Variants in SMARCA5 observed in about 807,000 individuals in gnomAD.
SMARCA5 encodes SNF2 related chromatin remodeling ATPase 5, also known as SWI/SNF-related matrix-associated actin-dependent regulator of chromatin subfamily A member 5.
A neutral mutation model predicts 140.4 loss-of-function variants in SMARCA5; 18 were observed. The ratio of observed to expected loss-of-function variants is 0.13; its 90% CI spans 0.09 to 0.19. The LOEUF (loss-of-function observed/expected upper bound fraction) is 0.19. SMARCA5 is among the 10% of genes least tolerant of loss of function. The pLI, the probability that SMARCA5 is intolerant of heterozygous loss-of-function variation, is 1.00. For synonymous variants in SMARCA5, 449 were observed against 419.6 expected (o/e 1.07, Z -0.86); for missense variants, 606 against 1,276.8 (o/e 0.47, Z 8.01).
At position 143,557,111 on chromosome 4, in the gene SMARCA5, G is replaced by A. The variant is rs919097040; in HGVS notation, c.*3927G>A. ...CCCTAGCTCTAATGACAGCTTTTTTGGGGGGTAATGAGGCTATGAGAAGAT... is the reference window on the plus strand; with the variant it reads ...CCCTAGCTCTAATGACAGCTTTTTTAGGGGGTAATGAGGCTATGAGAAGAT... On this transcript the variant is annotated 3_prime_UTR_variant, in exon 24 of 24. Transcript: ENST00000283131. 6.6e-6 allele frequency: 1 copy of A among 152,088 alleles called. No homozygotes were observed. Among genetic ancestry groups the A allele is most frequent in the Non-Finnish European group, 1.5e-5 (1 of 68,024 alleles). The allele number at this position is 152,088 out of a possible 1,614,324, so 9.4% of individuals were successfully genotyped here.
chr4:143,532,876 G>C (rs1243339734), intron 9 of SMARCA5, among the ~76,000 whole-genome samples: 3 of 152,156 alleles, frequency 2.0e-5, no homozygotes, highest in Non-Finnish European at 4.4e-5. Flanking sequence ...GAAGAGAACC[G>C]GTGGGGCTAA....
In SMARCA5 at chr4:143,538,582, C is replaced by T; in HGVS notation, c.1496-8C>T. 6.2e-7 allele frequency: 1 copy of T among 1,610,962 alleles called. No individual in the cohort carries two copies. Among genetic ancestry groups the T allele is most frequent in the Admixed American group, 1.7e-5 (1 of 59,864 alleles). Reference sequence around the variant, plus strand: ...CCACTGATAATAGATTGTTATATTCCCCAACAGGTTCACGAGTACTAATCT... The same window carrying T: ...CCACTGATAATAGATTGTTATATTCTCCAACAGGTTCACGAGTACTAATCT... On this transcript the variant is annotated splice_region_variant and splice_polypyrimidine_tract_variant and intron_variant, in intron 11 of 23. Coordinates refer to ENST00000283131, the MANE Select transcript of SMARCA5 (RefSeq NM_003601.4).
chr4:143,529,826 T>G (rs1737149699), intron 8 of SMARCA5, among the ~76,000 whole-genome samples: 1 of 152,228 alleles, frequency 6.6e-6, no homozygotes, highest in Non-Finnish European at 1.5e-5. Flanking sequence ...AAAAGCAATT[T>G]TAGCTTCGAT....
At chr4:143,549,271 A>C (rs1317822093) in intron 22 of SMARCA5, among the ~76,000 whole-genome samples, 1 of 151,984 alleles carries the variant, frequency 6.6e-6, no homozygotes, top group East Asian at 1.9e-4. Context: ...TGTATTCTAT[A>C]CAGTAGTATT....
chr4:143,538,528 G>A, intron 11 of SMARCA5, 62 bp from the exon 12 acceptor site: 1 of 1,435,750 alleles, frequency 7.0e-7, no homozygotes. Flanking sequence ...CTTAGTTTTG[G>A]TTACCCTTAA....
intron 9 of SMARCA5, 26 bp downstream of exon 9, chr4:143,530,552 G>A (rs1737163824): frequency 6.8e-7 from 1 of 1,465,998 alleles, no homozygotes. Context: ...TAGTGTTAAA[G>A]CATATTTATG....
At chr4:143,538,167 A>G (rs942809777) in intron 11 of SMARCA5, among the ~76,000 whole-genome samples, 1 of 152,172 alleles carries the variant, frequency 6.6e-6, no homozygotes. Context: ...TATGAGGCAC[A>G]TATTATGGTC....
intron 1 of SMARCA5, among the ~76,000 whole-genome samples, chr4:143,516,025 C>A (rs1736823106): frequency 6.7e-6 from 1 of 149,680 alleles, no homozygotes; most frequent in African/African-American, 2.5e-5. Flanking sequence ...TCCTGTTTAA[C>A]AAAATTCAGA....
chr4:143,550,956 C>CT (rs1251814529), intron 23 of SMARCA5, among the ~76,000 whole-genome samples: 6 of 151,612 alleles, frequency 4.0e-5, no homozygotes, highest in Non-Finnish European at 7.4e-5. Flanking sequence ...TAGGGTAACT[C>CT]TTATCTGTAG....
chr4:143,534,250 C>G (rs1307649415), intron 9 of SMARCA5, among the ~76,000 whole-genome samples: 1 of 151,830 alleles, frequency 6.6e-6, no homozygotes, highest in African/African-American at 2.4e-5. Flanking sequence ...TTGAGGTAGT[C>G]TGGAACTGAG....
Position 143,557,335 on chromosome 4 carries a change from G to A in SMARCA5, c.*4151G>A, listed in dbSNP as rs1445061855. The A allele has an allele frequency of 6.6e-6, 1 of 152,144 alleles. No individual in the cohort carries two copies. The highest frequency in any genetic ancestry group is 2.4e-5 in the African/African-American group (1 of 41,436). The allele number at this position is 152,144 out of a possible 1,614,324, so 9.4% of individuals were successfully genotyped here. ...GACAAAAATATTTTATTAATACAAAGAATATGCATATAGTTTGCTTACTAC... is the reference window on the plus strand; with the variant it reads ...GACAAAAATATTTTATTAATACAAAAAATATGCATATAGTTTGCTTACTAC... On this transcript the variant is annotated 3_prime_UTR_variant, in exon 24 of 24. Coordinates refer to ENST00000283131, the MANE Select transcript of SMARCA5 (RefSeq NM_003601.4).
chr4:143,544,143 G>T, intron 16 of SMARCA5, 171 bp downstream of exon 16: 1 of 408,774 alleles, frequency 2.4e-6, no homozygotes, highest in Non-Finnish European at 4.3e-6. Context: ...TTTTTCAGTT[G>T]GTAAGCTCTG....
intron 9 of SMARCA5, among the ~76,000 whole-genome samples, chr4:143,531,075 C>A (rs942931790): frequency 6.6e-6 from 1 of 152,226 alleles, no homozygotes; most frequent in Non-Finnish European, 1.5e-5. Flanking sequence ...CTGCCTTGGC[C>A]TCCCAGAGTG....
chr4:143,520,695 TCTC>T (rs1736939593), intron 2 of SMARCA5, among the ~76,000 whole-genome samples: 1 of 152,188 alleles, frequency 6.6e-6, no homozygotes, highest in Non-Finnish European at 1.5e-5. Context: ...TTGTCTTGCT[TCTC>T]CTTTGTTTCA....
rs1470837339 is a variant in SMARCA5, at chr4:143,555,545, C to A, written c.*2361C>A. 7.9e-6 allele frequency: 3 copies of A among 380,834 alleles called. No individual in the cohort carries two copies. The highest frequency in any genetic ancestry group is 4.2e-5 in the African/African-American group (2 of 47,812). 23.6% of individuals were successfully genotyped at this position (380,834 alleles called of 1,614,324 possible). ...GTTGATTGCTAAATGTTTTAATAAT[C>A]TGATCATGATACTGAATAAATGTCT... On this transcript the variant is annotated 3_prime_UTR_variant, in exon 24 of 24. Coordinates refer to ENST00000283131, the MANE Select transcript of SMARCA5 (RefSeq NM_003601.4).
intron 22 of SMARCA5, among the ~76,000 whole-genome samples, chr4:143,548,727 C>G (rs1011540629): frequency 2.0e-5 from 3 of 152,044 alleles, no homozygotes; most frequent in Non-Finnish European, 4.4e-5. Context: ...GAACTTTGAG[C>G]TTCAACTTGT....
At chr4:143,536,859 T>C (rs1305083206) in intron 11 of SMARCA5, among the ~76,000 whole-genome samples, 181 bp downstream of exon 11, 2 of 152,124 alleles carry the variant, frequency 1.3e-5, no homozygotes, top group Non-Finnish European at 2.9e-5. Context: ...CTTAAGTCTC[T>C]TAGAAGGTAA....
chr4:143,556,878 A>G lies in SMARCA5; in HGVS notation c.*3694A>G, dbSNP rs909009063. 1.3e-5 allele frequency: 2 copies of G among 152,368 alleles called. No homozygotes were observed. Among genetic ancestry groups the G allele is most frequent in the Admixed American group, 6.5e-5 (1 of 15,308 alleles). 9.4% of individuals were successfully genotyped at this position (152,368 alleles called of 1,614,324 possible). ...AGTAGTTACCAGAAAAGACTATGCT[A>G]CAAGAACCAAAATTGAAGTAAGAAG... On this transcript the variant is annotated 3_prime_UTR_variant, in exon 24 of 24. Transcript: ENST00000283131.
At chr4:143,526,544 T>A in intron 6 of SMARCA5, 84 bp downstream of exon 6, 1 of 840,564 alleles carries the variant, frequency 1.2e-6, no homozygotes. Context: ...GGAAGAAGGA[T>A]AAATGAGACG....
Sources: allele counts gnomAD v4.1 joint callset (sites outside exome capture counted in the v4.1 genomes callset), GRCh38; gene constraint gnomAD v4.1.1; transcripts MANE v1.5; gene names NCBI Gene and HGNC (gene_info 2026-07-23, HGNC 2026-07-21).